The following NOD2 variants were observed in gnomAD, a reference collection of about 807,000 sequenced individuals.
NOD2 encodes nucleotide binding oligomerization domain containing 2, also known as nucleotide-binding oligomerization domain-containing protein 2.
NOD2 carries 86 observed loss-of-function variants against 90.9 expected under a neutral mutation model. The ratio of observed to expected loss-of-function variants is 0.95; its 90% confidence interval spans 0.79 to 1.13. The LOEUF is 1.13. Ranked by LOEUF, NOD2 falls within the 50% of genes most tolerant of loss-of-function variation. NOD2 has a pLI of 0.00. For missense variants in NOD2, 1,238 were observed against 1,283.8 expected (o/e 0.96, Z 0.55); for synonymous variants, 581 against 554.6 (o/e 1.05, Z -0.67).
intron 11 of NOD2, 53 bp downstream of exon 11, chr16:50,729,954 CT>C (rs776385001): frequency 4.0e-5 from 54 of 1,360,822 alleles, no homozygotes; most frequent in Non-Finnish European, 5.6e-5. Flanking sequence ...GTTTTTCTAT[CT>C]GTAAAATGGG....
chr16:50,712,238 C>T lies in NOD2; in HGVS notation c.2246C>T (p.Pro749Leu). Residue 749 changes from proline to leucine, a missense_variant, in exon 4 of 12, where the codon CCC (proline) becomes CTC (leucine). Physicochemically the swap from Pro to Leu is moderately conservative, Grantham distance 98 (BLOSUM62 -3). Coordinates refer to ENST00000647318, the MANE Select transcript of NOD2 (RefSeq NM_001370466.1). ...AAGTTGACATTTTGCAGTGTGGGCCCCACTGAGTGTGCTGCCCTGGCCTTT... is the reference window on the plus strand; with the variant it reads ...AAGTTGACATTTTGCAGTGTGGGCCTCACTGAGTGTGCTGCCCTGGCCTTT... Reference protein sequence around the residue: ...HLKLTFCSVGPTECAALAFVL... With the variant: ...HLKLTFCSVGLTECAALAFVL... The T allele has an allele frequency of 1.9e-6, 3 of 1,613,924 alleles. No homozygotes were observed. The highest frequency in any genetic ancestry group is 2.5e-6 in the Non-Finnish European group (3 of 1,180,046).
intron 1 of NOD2, among the ~76,000 whole-genome samples, chr16:50,696,801 G>T (rs1963666536): frequency 6.6e-6 from 1 of 152,372 alleles, no homozygotes; most frequent in Admixed American, 6.5e-5. Flanking sequence ...TGATGTAGCT[G>T]CTGGGAGGAC....
At chr16:50,702,942 G>A (rs1964006324) in intron 2 of NOD2, among the ~76,000 whole-genome samples, 1 of 152,206 alleles carries the variant, frequency 6.6e-6, no homozygotes, top group Non-Finnish European at 1.5e-5. Context: ...CCTGAGGCTG[G>A]TAACACCAGC....
At position 50,720,010 on chromosome 16, in the gene NOD2, T is replaced by G. The variant is rs757328877; in HGVS notation, c.2633+2T>G. On this transcript the variant is annotated splice_donor_variant, in intron 7 of 11. Coordinates refer to ENST00000647318, the MANE Select transcript of NOD2 (RefSeq NM_001370466.1). LOFTEE classifies it high-confidence loss of function. ...CAACACCTCCTTGCAGTTCCTGGGG[T>G]AGGTTGGATTCCAGGAAGAGGGACC... The G allele has an allele frequency of 6.2e-7, 1 of 1,613,504 alleles. No individual in the cohort carries two copies. Among genetic ancestry groups the G allele is most frequent in the Non-Finnish European group, 8.5e-7 (1 of 1,179,654 alleles).
At chr16:50,694,079 C>G (rs1470594259) in intron 1 of NOD2, among the ~76,000 whole-genome samples, 3 of 152,114 alleles carry the variant, frequency 2.0e-5, no homozygotes, top group Non-Finnish European at 4.4e-5. Context: ...ACAGCCCACA[C>G]CAGGACCTGC....
rs1965491434 is a variant in NOD2, at chr16:50,732,480, A to T, written c.*661A>T. On this transcript the variant is annotated 3_prime_UTR_variant, in exon 12 of 12. Coordinates refer to ENST00000647318, the MANE Select transcript of NOD2 (RefSeq NM_001370466.1). Reference sequence around the variant, plus strand: ...TGCCCTCCTTTCCGGTGTTTAAGACATTTTTGGAAGGGGACACGTGACAGC... The same window carrying T: ...TGCCCTCCTTTCCGGTGTTTAAGACTTTTTTGGAAGGGGACACGTGACAGC... 6.5e-6 allele frequency: 1 copy of T among 154,630 alleles called. No individual in the cohort carries two copies. 9.6% of individuals were successfully genotyped at this position (154,630 alleles called of 1,614,324 possible).
chr16:50,723,139 G>GAAA (rs59171756), intron 8 of NOD2, among the ~76,000 whole-genome samples, 162 bp from the exon 9 acceptor site: 2 of 107,842 alleles, frequency 1.9e-5, no homozygotes, highest in Admixed American at 9.5e-5. Flanking sequence ...AAAAAGGGTA[G>GAAA]AAAAAAAAAA....
At chr16:50,725,650 G>A (rs780799474) in intron 10 of NOD2, 78 bp downstream of exon 10, 289 of 1,111,584 alleles carry the variant, frequency 2.6e-4, no homozygotes, top group Admixed American at 5.5e-4. Flanking sequence ...GATCTGGGCC[G>A]CTCTCCGCTG....
intron 9 of NOD2, among the ~76,000 whole-genome samples, chr16:50,724,345 T>G (rs1032016788): frequency 6.6e-6 from 1 of 152,198 alleles, no homozygotes; most frequent in Non-Finnish European, 1.5e-5. Context: ...GAGAACCTTG[T>G]TATGAGAGCA....
intron 2 of NOD2, 54 bp downstream of exon 2, chr16:50,700,008 A>G (rs2150783069): frequency 6.6e-7 from 1 of 1,505,798 alleles, no homozygotes; most frequent in Non-Finnish European, 9.1e-7. Flanking sequence ...GTGCTTAGTC[A>G]CCAAGACTGA....
intron 4 of NOD2, chr16:50,712,830 G>A (rs1428840032): frequency 1.3e-5 from 3 of 222,776 alleles, no homozygotes; most frequent in African/African-American, 6.8e-5. Context: ...AGAAAGTTTT[G>A]TGTAGTATGT....
intron 1 of NOD2, chr16:50,696,505 TG>T (rs751467759): frequency 1.3e-5 from 2 of 152,430 alleles, no homozygotes; most frequent in Non-Finnish European, 2.9e-5. Flanking sequence ...AGAGGAAGGA[TG>T]TTAAGGACAA....
At chr16:50,695,627 G>T (rs1963612879) in intron 1 of NOD2, among the ~76,000 whole-genome samples, 1 of 152,070 alleles carries the variant, frequency 6.6e-6, no homozygotes, top group Non-Finnish European at 1.5e-5. Context: ...AAGAGAAGGG[G>T]TCTAACCATT....
intron 6 of NOD2, among the ~76,000 whole-genome samples, chr16:50,717,553 T>G (rs1964855739): frequency 6.6e-6 from 1 of 152,222 alleles, no homozygotes; most frequent in Admixed American, 6.5e-5. Context: ...TCAGATATTC[T>G]TGCCTCCTGT....
chr16:50,710,763 C>T lies in NOD2; in HGVS notation c.771C>T (p.Thr257=). ...TGGGCCTGGAGGAGCTCTTCAGCAC[C>T]CCTGGCCACCTCAATGACGATGCGG... ...ATLGLEELFS[T]PGHLNDDADT... is the part of the protein sequence containing the mutation. The change falls in exon 4 of 12, where the codon ACC becomes ACT. Residue 257 remains threonine (T), a synonymous_variant. Coordinates refer to ENST00000647318, the MANE Select transcript of NOD2 (RefSeq NM_001370466.1). 6.2e-7 allele frequency: 1 copy of T among 1,614,064 alleles called. No individual in the cohort carries two copies. The highest frequency in any genetic ancestry group is 8.5e-7 in the Non-Finnish European group (1 of 1,180,002).
chr16:50,703,349 C>T (rs558501146), intron 2 of NOD2, among the ~76,000 whole-genome samples: 2 of 152,222 alleles, frequency 1.3e-5, no homozygotes, highest in East Asian at 3.9e-4. Flanking sequence ...AGAAAGGTCA[C>T]TTAAATTAGG....
chr16:50,694,011 GCCT>G (rs1214146358), intron 1 of NOD2, among the ~76,000 whole-genome samples: 4 of 152,088 alleles, frequency 2.6e-5, no homozygotes, highest in Non-Finnish European at 5.9e-5. Flanking sequence ...GGAATCTCCT[GCCT>G]CCTCCTTCTC....
Position 50,707,338 on chromosome 16 carries a change from G to A in NOD2, c.460-517G>A, listed in dbSNP as rs535308975. 1.2e-4 allele frequency among the ~76,000 whole-genome samples: 18 copies of A among 152,346 alleles called. No individual in the cohort carries two copies. In the East Asian group the frequency reaches 3.1e-3, roughly 26 times the overall value. ...CAAGATGAGGAAGGCTGTCGGTTTGGCAGGTGCATGGGCAGGTTAGGAGTT... is the reference window on the plus strand; with the variant it reads ...CAAGATGAGGAAGGCTGTCGGTTTGACAGGTGCATGGGCAGGTTAGGAGTT... On this transcript the variant is annotated intron_variant, in intron 2 of 11. Coordinates refer to ENST00000647318, the MANE Select transcript of NOD2 (RefSeq NM_001370466.1).
At chr16:50,703,564 G>A (rs914641827) in intron 2 of NOD2, among the ~76,000 whole-genome samples, 9 of 151,766 alleles carry the variant, frequency 5.9e-5, no homozygotes, top group Admixed American at 3.9e-4. Context: ...GCTTGAACCC[G>A]GGAGGCAGAT....
Sources: allele counts gnomAD v4.1 joint callset (sites outside exome capture counted in the v4.1 genomes callset), GRCh38; gene constraint gnomAD v4.1.1; transcripts MANE v1.5; gene names NCBI Gene and HGNC (gene_info 2026-07-23, HGNC 2026-07-21).